The following TRAPPC13 variants were observed in gnomAD, a reference collection of about 807,000 sequenced individuals.
TRAPPC13 encodes the protein trafficking protein particle complex subunit 13.
In TRAPPC13, 39 loss-of-function variants were observed where a neutral mutation model predicts 54.0. That is an observed-to-expected ratio of 0.72 (90% confidence interval 0.56 to 0.94). TRAPPC13 has a LOEUF of 0.94. Among genes scored for constraint, TRAPPC13 ranks in the 40% least tolerant of loss-of-function variants. The pLI, the probability that TRAPPC13 is intolerant of heterozygous loss-of-function variation, is 0.00. For synonymous variants in TRAPPC13, 148 were observed against 167.7 expected (o/e 0.88, Z 0.91); for missense variants, 386 against 488.1 (o/e 0.79, Z 1.97).
chr5:65,654,271 A>T (rs1399192813), intron 7 of TRAPPC13, among the ~76,000 whole-genome samples: 1 of 151,912 alleles, frequency 6.6e-6, no homozygotes, highest in East Asian at 1.9e-4. Context: ...CATTATACAT[A>T]CTCTTTTGCA....
intron 9 of TRAPPC13, 124 bp from the exon 10 acceptor site, chr5:65,660,575 G>T: frequency 1.7e-6 from 1 of 578,990 alleles, no homozygotes; most frequent in Non-Finnish European, 2.8e-6. Context: ...TCGTTAACAT[G>T]TTCTGTTGTT....
In TRAPPC13 at chr5:65,655,386, C is replaced by G. The variant is rs181318292; in HGVS notation, c.547-250C>G. On this transcript the variant is annotated intron_variant, in intron 7 of 12. Transcript: ENST00000399438. ...TCCAAAATGTGCCCTTAACAGTTTG[C>G]TACTGTTGAGTATTCAGCCATAGGG... Among the ~76,000 whole-genome samples, 161 of 152,284 alleles carry G rather than the reference C, an allele frequency of 1.1e-3. 2 individuals are homozygous for G. The highest frequency in any genetic ancestry group is 3.7e-3 in the African/African-American group (153 of 41,562).
chr5:65,629,115 A>T (rs1461375244), intron 1 of TRAPPC13, among the ~76,000 whole-genome samples: 1 of 152,228 alleles, frequency 6.6e-6, no homozygotes, highest in African/African-American at 2.4e-5. Context: ...ATATGAAAAC[A>T]ATATTTTAAG....
chr5:65,632,160 G>A (rs1755574054), intron 1 of TRAPPC13, among the ~76,000 whole-genome samples: 1 of 151,870 alleles, frequency 6.6e-6, no homozygotes, highest in Non-Finnish European at 1.5e-5. Context: ...GTAGGGGGTG[G>A]GTCTGAGGCA....
intron 10 of TRAPPC13, 55 bp downstream of exon 10, chr5:65,660,952 G>C (rs778306153): frequency 2.5e-5 from 36 of 1,440,768 alleles, no homozygotes; most frequent in Non-Finnish European, 2.8e-5. Flanking sequence ...CAGGTAGTTA[G>C]AACAACTTAA....
At chr5:65,631,890 T>A (rs1172430504) in intron 1 of TRAPPC13, among the ~76,000 whole-genome samples, 6 of 148,178 alleles carry the variant, frequency 4.0e-5, no homozygotes, top group Non-Finnish European at 5.9e-5. Context: ...TAGCTACATG[T>A]TTGGGTGAAC....
At chr5:65,640,477 C>T (rs10057241) in intron 4 of TRAPPC13, among the ~76,000 whole-genome samples, 23,882 of 152,226 alleles carry the variant, frequency 0.16, 2,428 homozygotes, top group Non-Finnish European at 0.22. Context: ...TGATTTCCAG[C>T]TACCACAGCA....
chr5:65,633,908 T>C (rs950800308), intron 1 of TRAPPC13, among the ~76,000 whole-genome samples: 1 of 139,226 alleles, frequency 7.2e-6, no homozygotes, highest in African/African-American at 2.5e-5. Flanking sequence ...TAATTGATTT[T>C]TTTAACTTCT....
chr5:65,639,364 GA>G (rs57867266), intron 4 of TRAPPC13, among the ~76,000 whole-genome samples: 4,983 of 144,768 alleles, frequency 0.034, 262 homozygotes, highest in African/African-American at 0.12. Context: ...AATTAATTAA[GA>G]AAAAAAAAAA....
intron 9 of TRAPPC13, among the ~76,000 whole-genome samples, chr5:65,658,721 TA>T (rs994187883): frequency 3.3e-5 from 5 of 150,896 alleles, no homozygotes; most frequent in African/African-American, 9.7e-5. Context: ...TTTTTATTTT[TA>T]TTTATTTATT....
rs914594424 is a variant in TRAPPC13 at position 65,636,008 on chromosome 5, G to A, written c.180G>A (p.Met60Ile). 4 of 1,600,652 alleles carry A rather than the reference G, an allele frequency of 2.5e-6. No individual in the cohort carries two copies. The highest frequency in any genetic ancestry group is 2.7e-5 in the African/African-American group (2 of 74,810). ...PSTVNGAEVLMLGEMLTLPQN... is the reference protein window; with the variant it reads ...PSTVNGAEVLILGEMLTLPQN... Reference sequence around the variant, plus strand: ...CCGTTAATGGTGCAGAAGTTTTAATGTTGGGAGAAATGCTGACTTTACCAC... The same window carrying A: ...CCGTTAATGGTGCAGAAGTTTTAATATTGGGAGAAATGCTGACTTTACCAC... Residue 60 changes from methionine to isoleucine, a missense_variant, in exon 3 of 13, where the codon ATG becomes ATA. Coordinates refer to ENST00000399438, the MANE Select transcript of TRAPPC13 (RefSeq NM_024941.4).
chr5:65,642,049 G>T (rs1361640621), intron 4 of TRAPPC13, among the ~76,000 whole-genome samples: 1 of 152,110 alleles, frequency 6.6e-6, no homozygotes, highest in African/African-American at 2.4e-5. Flanking sequence ...TTGGCCGGGT[G>T]CAGTGGCTCA....
chr5:65,633,489 C>T (rs1755625575), intron 1 of TRAPPC13, among the ~76,000 whole-genome samples: 1 of 151,992 alleles, frequency 6.6e-6, no homozygotes, highest in African/African-American at 2.4e-5. Flanking sequence ...ACCGTGGTCT[C>T]GATCTCCTGA....
intron 1 of TRAPPC13, chr5:65,626,213 G>A (rs1755221018): frequency 6.6e-6 from 1 of 152,192 alleles, no homozygotes; most frequent in Admixed American, 6.5e-5. Context: ...TCAAGTATGT[G>A]GAGTAAATAT....
chr5:65,627,305 C>CCAAATGTATTA (rs1264363601), intron 1 of TRAPPC13, among the ~76,000 whole-genome samples: 1 of 151,946 alleles, frequency 6.6e-6, no homozygotes, highest in Non-Finnish European at 1.5e-5. Context: ...ATGCTGAATG[C>CCAAATGTATTA]CAAATGTATT....
chr5:65,649,589 TCA>T (rs1305435405), intron 5 of TRAPPC13, among the ~76,000 whole-genome samples: 2 of 152,338 alleles, frequency 1.3e-5, no homozygotes, highest in Non-Finnish European at 2.9e-5. Flanking sequence ...CTGAACATTT[TCA>T]CATTTTTGTT....
chr5:65,659,967 C>CAAAAAAAAA (rs141876171), intron 9 of TRAPPC13, among the ~76,000 whole-genome samples: 25 of 95,188 alleles, frequency 2.6e-4, no homozygotes, highest in Non-Finnish European at 3.7e-4. Context: ...GTATTTTAAA[C>CAAAAAAAAA]AAAAAAAAAA....
chr5:65,658,272 G>A, intron 8 of TRAPPC13, 96 bp from the exon 9 acceptor site: 1 of 1,201,156 alleles, frequency 8.3e-7, no homozygotes, highest in Non-Finnish European at 1.1e-6. Flanking sequence ...CACATTTGTG[G>A]TTAATATTTT....
chr5:65,632,056 G>T (rs1005142046), intron 1 of TRAPPC13, among the ~76,000 whole-genome samples: 1 of 151,946 alleles, frequency 6.6e-6, no homozygotes, highest in African/African-American at 2.4e-5. Flanking sequence ...TACCAGCCTG[G>T]GCAACATGGT....
Sources: allele counts gnomAD v4.1 joint callset (sites outside exome capture counted in the v4.1 genomes callset), GRCh38; gene constraint gnomAD v4.1.1; transcripts MANE v1.5; gene names NCBI Gene and HGNC (gene_info 2026-07-23, HGNC 2026-07-21).